Variants in PRKN observed in about 807,000 individuals in gnomAD.
The protein encoded by PRKN is parkin RBR E3 ubiquitin protein ligase.
PRKN carries 56 observed loss-of-function variants against 59.5 expected under a neutral mutation model. The ratio of observed to expected loss-of-function variants is 0.94; its 90% CI spans 0.76 to 1.18. The LOEUF is 1.18. PRKN is among the 50% of genes most tolerant of loss of function. The pLI is 0.00. For missense variants in PRKN, 657 were observed against 596.4 expected (o/e 1.10, Z -1.06); for synonymous variants, 250 against 222.1 (o/e 1.13, Z -1.12).
At chr6:162,391,212 G>C (rs918055104) in intron 2 of PRKN, among the ~76,000 whole-genome samples, 1 of 152,118 alleles carries the variant, frequency 6.6e-6, no homozygotes, top group Non-Finnish European at 1.5e-5. Flanking sequence ...TCGAACATCT[G>C]CAATGACTTC....
At chr6:161,493,628 G>A (rs937321371) in intron 9 of PRKN, among the ~76,000 whole-genome samples, 6 of 152,206 alleles carry the variant, frequency 3.9e-5, no homozygotes, top group Admixed American at 1.3e-4. Context: ...CAGATTACAC[G>A]AAGAGCAGAT....
At chr6:161,887,135 A>T (rs1562366333) in intron 6 of PRKN, among the ~76,000 whole-genome samples, 2 of 152,228 alleles carry the variant, frequency 1.3e-5, no homozygotes, top group South Asian at 4.1e-4. Context: ...GTACTGTAAG[A>T]GATGTGGTCT....
chr6:162,577,391 G>C lies in PRKN; in HGVS notation c.8-133918C>G, dbSNP rs1336984490. Among the ~76,000 whole-genome samples, 3 of 151,904 alleles carry C rather than the reference G, an allele frequency of 2.0e-5. No individual in the cohort carries two copies. The East Asian group carries it at 5.8e-4, about 30-fold the overall frequency. ...GAGGCACGTGGATCACCTAAGGTCA[G>C]GAGTTCGAGACCAGCCTGGCCGACA... On this transcript the variant is annotated intron_variant, in intron 1 of 11. Transcript: ENST00000366898.
At chr6:162,662,850 G>GT (rs1372406312) in intron 1 of PRKN, among the ~76,000 whole-genome samples, 25 of 152,268 alleles carry the variant, frequency 1.6e-4, no homozygotes, top group African/African-American at 5.3e-4. Flanking sequence ...TGAAAGTCAG[G>GT]TAATGTGATA....
At chr6:161,599,106 C>T (rs1782020459) in intron 7 of PRKN, among the ~76,000 whole-genome samples, 2 of 152,196 alleles carry the variant, frequency 1.3e-5, no homozygotes, top group Admixed American at 6.5e-5. Flanking sequence ...GGAGCAGATC[C>T]TTCCCAGAGC....
In PRKN at chr6:161,533,865, G is replaced by A. The variant is rs1779314385; in HGVS notation, c.1083+14989C>T. Among the ~76,000 whole-genome samples, 1 of 152,022 alleles carries A rather than the reference G, an allele frequency of 6.6e-6. No individual in the cohort carries two copies. Among genetic ancestry groups the A allele is most frequent in the Non-Finnish European group, 1.5e-5 (1 of 67,990 alleles). The stretch of plus-strand genomic sequence containing the variant: ...CTGGGGATTTACCCTAGACTACGAT[G>A]CTGCTTCACTAGTAGGAAGAGAAAA... On this transcript the variant is annotated intron_variant, in intron 9 of 11. Transcript: ENST00000366898. This position sits in a 1 kb window ranked among gnomAD's most constrained non-coding sequence, Gnocchi z 4.1.
chr6:161,559,128 GT>G lies in PRKN; in HGVS notation c.934-10126del, dbSNP rs569294086. Among the ~76,000 whole-genome samples the G allele has an allele frequency of 2.5e-3, 362 of 145,374 alleles. 1 individual carries two copies. Among genetic ancestry groups the G allele is most frequent in the African/African-American group, 6.0e-3 (242 of 40,150 alleles). On this transcript the variant is annotated intron_variant, in intron 8 of 11. Coordinates refer to ENST00000366898, the MANE Select transcript of PRKN (RefSeq NM_004562.3). The stretch of plus-strand genomic sequence containing the variant: ...GGAAGCACAGTTTAAGAAGTTTTTG[GT>G]TTTTTTTTTTCCAGATATTTCAGGT...
At chr6:161,904,552 T>A (rs1474858592) in intron 6 of PRKN, among the ~76,000 whole-genome samples, 1 of 152,092 alleles carries the variant, frequency 6.6e-6, no homozygotes, top group Non-Finnish European at 1.5e-5. Flanking sequence ...CCTGACCTCA[T>A]GATCTGCCTG....
chr6:161,883,819 A>G (rs905678161), intron 6 of PRKN, among the ~76,000 whole-genome samples: 13 of 151,760 alleles, frequency 8.6e-5, no homozygotes, highest in Admixed American at 8.5e-4. Context: ...CGCCCAGCCA[A>G]TTTTTGTATT....
rs182763875 is a variant in PRKN at position 162,242,990 on chromosome 6, C to A, written c.412+19535G>T. ...ATGTCATGTAATGATGCCTATTACC[C>A]AAAGAGCTGTTGGTTCCTTAAAAAA... On this transcript the variant is annotated intron_variant, in intron 3 of 11. Coordinates refer to ENST00000366898, the MANE Select transcript of PRKN (RefSeq NM_004562.3). 3.3e-4 allele frequency among the ~76,000 whole-genome samples: 50 copies of A among 151,756 alleles called. No homozygotes were observed. In the East Asian group the frequency reaches 8.3e-3, roughly 25 times the overall value.
intron 7 of PRKN, among the ~76,000 whole-genome samples, chr6:161,648,493 C>A (rs1222724755): frequency 6.6e-6 from 1 of 152,182 alleles, no homozygotes; most frequent in Non-Finnish European, 1.5e-5. Flanking sequence ...TTTCCTGCAA[C>A]TGTCCATGGA....
intron 1 of PRKN, among the ~76,000 whole-genome samples, chr6:162,644,981 T>C (rs1490605008): frequency 1.3e-5 from 2 of 152,180 alleles, no homozygotes; most frequent in Non-Finnish European, 2.9e-5. Context: ...GTAATAGTCA[T>C]AGTTTATTGA....
chr6:162,030,981 A>G (rs571936902), intron 5 of PRKN, among the ~76,000 whole-genome samples: 1 of 152,234 alleles, frequency 6.6e-6, no homozygotes, highest in Non-Finnish European at 1.5e-5. Context: ...ATGAGAGAAC[A>G]AAGAAATTAA....
chr6:162,699,223 T>C (rs1177777062), intron 1 of PRKN, among the ~76,000 whole-genome samples: 3 of 152,176 alleles, frequency 2.0e-5, no homozygotes, highest in Non-Finnish European at 2.9e-5. Context: ...GGGGAAGCTA[T>C]TGAAGAATAT....
chr6:161,708,683 CTCATA>C (rs1484074016), intron 7 of PRKN, among the ~76,000 whole-genome samples: 2 of 152,178 alleles, frequency 1.3e-5, no homozygotes, highest in Non-Finnish European at 2.9e-5. Context: ...CCTAGATTAT[CTCATA>C]TATCATTAGA....
intron 1 of PRKN, among the ~76,000 whole-genome samples, chr6:162,577,112 G>A (rs1351814700): frequency 2.0e-5 from 3 of 152,066 alleles, no homozygotes; most frequent in African/African-American, 7.2e-5. Flanking sequence ...AAGTGAGTAG[G>A]TGGAGAAATA....
At chr6:162,227,311 C>A (rs1778226116) in intron 3 of PRKN, among the ~76,000 whole-genome samples, 1 of 152,044 alleles carries the variant, frequency 6.6e-6, no homozygotes. Context: ...TTTCCCCCAC[C>A]TTAATGTAAT....
chr6:162,295,464 A>G (rs1781628906), intron 2 of PRKN, among the ~76,000 whole-genome samples: 1 of 152,180 alleles, frequency 6.6e-6, no homozygotes, highest in Non-Finnish European at 1.5e-5. Flanking sequence ...TAAGGCACCC[A>G]CAGCATCCCT....
At chr6:161,727,797 A>G (rs940144299) in intron 7 of PRKN, among the ~76,000 whole-genome samples, 5 of 152,190 alleles carry the variant, frequency 3.3e-5, no homozygotes, top group Non-Finnish European at 1.5e-5. Flanking sequence ...TATGCAACTT[A>G]CAAAAAGGTT....
Sources: allele counts gnomAD v4.1 joint callset (sites outside exome capture counted in the v4.1 genomes callset), GRCh38; gene constraint gnomAD v4.1.1; non-coding constraint Gnocchi (gnomAD v3.1); transcripts MANE v1.5; gene names NCBI Gene and HGNC (gene_info 2026-07-23, HGNC 2026-07-21).